Variants in PAWR observed in about 807,000 individuals in gnomAD.
PAWR encodes the protein pro-apoptotic WT1 regulator, also known as PRKC apoptosis WT1 regulator protein.
Under a neutral mutation model 32.0 loss-of-function variants are expected in PAWR, and 23 were observed. The observed-to-expected ratio is 0.72, with a 90% CI of 0.52 to 1.02. The LOEUF is 1.02. PAWR is among the 50% of genes least tolerant of loss of function. The probability of loss-of-function intolerance (pLI) is 0.00; values close to 1 mark genes in which losing one functional copy is unlikely to be tolerated. For synonymous variants in PAWR, 226 were observed against 187.1 expected, an observed-to-expected ratio of 1.21 and a Z score of -1.70; for missense variants, 457 against 437.7, an observed-to-expected ratio of 1.04 and a Z score of -0.39.
At chr12:79,598,628 A>T (rs1873849311) in intron 4 of PAWR, among the ~76,000 whole-genome samples, 1 of 152,206 alleles carries the variant, frequency 6.6e-6, no homozygotes, top group Admixed American at 6.5e-5. Context: ...GTCCTATCAA[A>T]TTTGTAAGGT....
chr12:79,635,575 C>A (rs1468832967), intron 2 of PAWR: 1 of 152,072 alleles, frequency 6.6e-6, no homozygotes, highest in Admixed American at 6.6e-5. Context: ...AGGAGAAGTA[C>A]AGGATTTGTA....
chr12:79,679,803 C>G (rs1319708893), intron 2 of PAWR, among the ~76,000 whole-genome samples: 3 of 152,122 alleles, frequency 2.0e-5, no homozygotes, highest in Admixed American at 2.0e-4. Context: ...AAACACTTTT[C>G]CAGCTCAAAA....
At chr12:79,671,086 T>G (rs73345549) in intron 2 of PAWR, among the ~76,000 whole-genome samples, 38 of 148,446 alleles carry the variant, frequency 2.6e-4, no homozygotes, top group African/African-American at 9.0e-4. Flanking sequence ...CCTAGGAGTT[T>G]GAGTCTAGCC....
intron 2 of PAWR, among the ~76,000 whole-genome samples, chr12:79,682,886 T>G (rs909171026): frequency 6.6e-6 from 1 of 152,252 alleles, no homozygotes; most frequent in African/African-American, 2.4e-5. Flanking sequence ...GAAAAATGTT[T>G]GCACTTGATA....
chr12:79,655,612 G>A (rs970965371), intron 2 of PAWR, among the ~76,000 whole-genome samples: 40 of 152,212 alleles, frequency 2.6e-4, no homozygotes, highest in African/African-American at 9.4e-4. Context: ...ATGCAGATTC[G>A]GATTTCAGGA....
chr12:79,622,250 A>C (rs141233783), intron 2 of PAWR, among the ~76,000 whole-genome samples: 7 of 152,310 alleles, frequency 4.6e-5, no homozygotes, highest in African/African-American at 1.7e-4. Flanking sequence ...GATAAAGACA[A>C]GGTCTACAAT....
At chr12:79,612,131 G>A (rs1874466719) in intron 4 of PAWR, among the ~76,000 whole-genome samples, 1 of 151,958 alleles carries the variant, frequency 6.6e-6, no homozygotes, top group Non-Finnish European at 1.5e-5. Context: ...AATTATTTCT[G>A]GAAAGAGAAA....
At chr12:79,639,838 C>CCA (rs1876200795) in intron 2 of PAWR, among the ~76,000 whole-genome samples, 2 of 49,822 alleles carry the variant, frequency 4.0e-5, no homozygotes, top group African/African-American at 1.3e-4. Context: ...TTTTCCATTC[C>CCA]TATTCCTATT....
chr12:79,676,198 T>C (rs1170475751), intron 2 of PAWR, among the ~76,000 whole-genome samples: 1 of 152,174 alleles, frequency 6.6e-6, no homozygotes, highest in South Asian at 2.1e-4. Context: ...AGTTAATACA[T>C]GTAAAGGACT....
chr12:79,679,501 C>T (rs893997013), intron 2 of PAWR, among the ~76,000 whole-genome samples: 5 of 151,974 alleles, frequency 3.3e-5, no homozygotes, highest in African/African-American at 1.2e-4. Context: ...AAGAAACTGA[C>T]CAATTATGGA....
intron 2 of PAWR, among the ~76,000 whole-genome samples, chr12:79,682,188 G>A (rs931309474): frequency 1.1e-4 from 17 of 152,178 alleles, no homozygotes; most frequent in African/African-American, 4.1e-4. Context: ...GTCTCACTTT[G>A]TCACCCAGGC....
chr12:79,655,988 G>C (rs1877075652), intron 2 of PAWR, among the ~76,000 whole-genome samples: 1 of 152,144 alleles, frequency 6.6e-6, no homozygotes, highest in Non-Finnish European at 1.5e-5. Flanking sequence ...ATATCTAATA[G>C]AGATAAGCAA....
intron 2 of PAWR, among the ~76,000 whole-genome samples, chr12:79,639,766 A>T (rs994557437): frequency 1.4e-5 from 2 of 145,210 alleles, no homozygotes; most frequent in East Asian, 3.8e-4. Flanking sequence ...CACATACTGT[A>T]TAAGTACTTA....
At chr12:79,659,549 A>G (rs1204223520) in intron 2 of PAWR, among the ~76,000 whole-genome samples, 1 of 152,198 alleles carries the variant, frequency 6.6e-6, no homozygotes, top group Non-Finnish European at 1.5e-5. Flanking sequence ...CATTGTCCGC[A>G]CCAAGAAACC....
intron 2 of PAWR, among the ~76,000 whole-genome samples, chr12:79,675,424 C>T (rs1361758966): frequency 6.6e-6 from 1 of 151,996 alleles, no homozygotes; most frequent in African/African-American, 2.4e-5. Context: ...ACCATGAAGA[C>T]ACAAGCATGC....
chr12:79,666,580 C>A (rs749343486), intron 2 of PAWR, among the ~76,000 whole-genome samples: 2 of 152,114 alleles, frequency 1.3e-5, no homozygotes, highest in Non-Finnish European at 2.9e-5. Context: ...TGTAATATTA[C>A]AACAAACTAA....
In PAWR at chr12:79,584,908, C is replaced by T. The variant is rs1873345910; in HGVS notation, c.*7699G>A. 5.4e-6 allele frequency: 1 copy of T among 186,162 alleles called. No homozygotes were observed. Among genetic ancestry groups the T allele is most frequent in the African/African-American group, 2.4e-5 (1 of 41,810 alleles). The allele number at this position is 186,162 out of a possible 1,614,324, so 11.5% of individuals were successfully genotyped here. A position where few individuals can be genotyped will look rare whatever the true frequency, so the allele number is the denominator to read the frequency against. On this transcript the variant is annotated 3_prime_UTR_variant, in exon 7 of 7. Transcript: ENST00000328827. ...TGATGAAACATACATTTATTTTTTC[C>T]AATCAAGTCTTAAAAGTTTGATGAA...
intron 2 of PAWR, among the ~76,000 whole-genome samples, chr12:79,677,541 T>C (rs146313714): frequency 6.6e-6 from 1 of 152,258 alleles, no homozygotes; most frequent in African/African-American, 2.4e-5. Flanking sequence ...TCCCAATGTA[T>C]AAAAATAAAA....
chr12:79,592,420 G>C lies in PAWR; in HGVS notation c.*187C>G. On this transcript the variant is annotated 3_prime_UTR_variant, in exon 7 of 7. Transcript: ENST00000328827. ...GATATTACTTATTTGTGAGATAAAA[G>C]GATAATGCTTTTTTAAAACCAATAA... is the stretch of plus-strand genomic sequence containing the variant. The C allele has an allele frequency of 2.0e-6, 1 of 489,944 alleles. No homozygotes were observed. The highest frequency in any genetic ancestry group is 3.5e-6 in the Non-Finnish European group (1 of 283,052). The allele number at this position is 489,944 out of a possible 1,614,324, so 30.3% of individuals were successfully genotyped here.
Sources: allele counts gnomAD v4.1 joint callset (sites outside exome capture counted in the v4.1 genomes callset), GRCh38; gene constraint gnomAD v4.1.1; transcripts MANE v1.5; gene names NCBI Gene and HGNC (gene_info 2026-07-23, HGNC 2026-07-21).